The following ABCG2 variants were observed in gnomAD, a reference collection of about 807,000 sequenced individuals.
ABCG2 encodes the protein broad substrate specificity ATP-binding cassette transporter ABCG2.
A neutral mutation model predicts 73.5 loss-of-function variants in ABCG2; 80 were observed. That is an observed-to-expected ratio of 1.09 (90% CI 0.91 to 1.31). The LOEUF (loss-of-function observed/expected upper bound fraction) is 1.31. Ranked by LOEUF, ABCG2 falls within the 50% of genes most tolerant of loss-of-function variation. The pLI, the probability that ABCG2 is intolerant of heterozygous loss-of-function variation, is 0.00. For missense variants in ABCG2, 796 were observed against 786.2 expected (o/e 1.01, Z -0.15); for synonymous variants, 269 against 282.4 (o/e 0.95, Z 0.48).
At chr4:88,107,051 C>T in intron 10 of ABCG2, 133 bp downstream of exon 10, 1 of 666,504 alleles carries the variant, frequency 1.5e-6, no homozygotes, top group Non-Finnish European at 2.5e-6. Flanking sequence ...CAAAAATAAA[C>T]TGACTCATCC....
upstream of ABCG2, among the ~76,000 whole-genome samples, chr4:88,163,006 A>G (rs1727375129): frequency 6.6e-6 from 1 of 152,212 alleles, no homozygotes; most frequent in Admixed American, 6.5e-5. Context: ...CTTACTCCAA[A>G]GGTGAACTCC....
At chr4:88,129,590 A>G (rs45543832) in intron 5 of ABCG2, among the ~76,000 whole-genome samples, 2,083 of 152,314 alleles carry the variant, frequency 0.014, 23 homozygotes, top group Non-Finnish European at 0.022. Flanking sequence ...TAAAGCGGAA[A>G]TAAGTAGTGA....
intron 7 of ABCG2, 81 bp from the exon 8 acceptor site, chr4:88,115,139 G>T: frequency 1.1e-6 from 1 of 920,740 alleles, no homozygotes; most frequent in Non-Finnish European, 1.8e-6. Context: ...GGTGAGGGAG[G>T]TAAGGCTAGA....
At chr4:88,110,827 AT>A (rs1195310567) in intron 9 of ABCG2, among the ~76,000 whole-genome samples, 2 of 79,546 alleles carry the variant, frequency 2.5e-5, no homozygotes, top group Admixed American at 3.3e-4. Flanking sequence ...AAAAAAAAAT[AT>A]ATATTGCCTA....
At chr4:88,108,485 T>C (rs1346096044) in intron 9 of ABCG2, among the ~76,000 whole-genome samples, 1 of 151,976 alleles carries the variant, frequency 6.6e-6, no homozygotes, top group Non-Finnish European at 1.5e-5. Flanking sequence ...CGAGCCAAGA[T>C]CATACCACTG....
intron 9 of ABCG2, 45 bp downstream of exon 9, chr4:88,113,257 AC>A: frequency 6.3e-7 from 1 of 1,590,736 alleles, no homozygotes; most frequent in Non-Finnish European, 8.5e-7. Context: ...TGATAACAGA[AC>A]CACATTGTTC....
chr4:88,121,857 A>T, intron 5 of ABCG2, 65 bp from the exon 6 acceptor site: 4 of 1,506,018 alleles, frequency 2.7e-6, no homozygotes, highest in Admixed American at 1.8e-5. Flanking sequence ...TGAGCTCCTA[A>T]CGTGTGCCAG....
chr4:88,127,387 A>G (rs890875768), intron 5 of ABCG2, among the ~76,000 whole-genome samples: 2 of 152,144 alleles, frequency 1.3e-5, no homozygotes, highest in East Asian at 1.9e-4. Context: ...TCAAGCTACC[A>G]TTGACTTTCT....
At chr4:88,174,363 C>A (rs546610456) in intron 1 of ABCG2, among the ~76,000 whole-genome samples, 2 of 152,244 alleles carry the variant, frequency 1.3e-5, no homozygotes, top group East Asian at 3.9e-4. Context: ...GATGTTCCCT[C>A]CCTGTGTCCA....
chr4:88,145,034 T>C (rs1725892458), intron 1 of ABCG2, among the ~76,000 whole-genome samples: 2 of 151,370 alleles, frequency 1.3e-5, no homozygotes, highest in Non-Finnish European at 2.9e-5. Flanking sequence ...CTGGAACTAC[T>C]GCATTTGTTG....
At chr4:88,118,327 T>G in intron 6 of ABCG2, 67 bp from the exon 7 acceptor site, 1 of 1,526,364 alleles carries the variant, frequency 6.6e-7, no homozygotes, top group Non-Finnish European at 9.0e-7. Flanking sequence ...AGTAAAATAC[T>G]CTATTCTTGC....
intron 1 of ABCG2, among the ~76,000 whole-genome samples, chr4:88,192,625 G>A (rs1728736929): frequency 6.6e-6 from 1 of 151,632 alleles, no homozygotes; most frequent in East Asian, 1.9e-4. Context: ...TACCAGGTTG[G>A]CTAGGCTGGT....
intron 12 of ABCG2, among the ~76,000 whole-genome samples, chr4:88,098,152 T>G (rs1384570811): frequency 6.6e-6 from 1 of 152,210 alleles, no homozygotes; most frequent in Admixed American, 6.5e-5. Context: ...AGTGAGCTAA[T>G]ACTACAGGTA....
chr4:88,168,642 TAA>T (rs557540340), intron 1 of ABCG2, among the ~76,000 whole-genome samples: 19 of 152,322 alleles, frequency 1.2e-4, no homozygotes, highest in African/African-American at 4.3e-4. Flanking sequence ...CTCTGCAGAT[TAA>T]GCTAAAAGGT....
At chr4:88,159,970 C>T (rs1289004801), upstream of ABCG2, among the ~76,000 whole-genome samples, 3 of 152,094 alleles carry the variant, frequency 2.0e-5, no homozygotes, top group African/African-American at 7.2e-5. Context: ...AAGGCCAGCA[C>T]GGTGGCTCAT....
At chr4:88,201,472 AT>A (rs1729161539) in intron 1 of ABCG2, among the ~76,000 whole-genome samples, 1 of 152,356 alleles carries the variant, frequency 6.6e-6, no homozygotes, top group South Asian at 2.1e-4. Flanking sequence ...ACCCAGGATT[AT>A]TTTAAAAATT....
At chr4:88,122,932 G>A (rs952007502) in intron 5 of ABCG2, among the ~76,000 whole-genome samples, 41 of 152,090 alleles carry the variant, frequency 2.7e-4, no homozygotes, top group African/African-American at 7.0e-4. Flanking sequence ...GGCATCTGGC[G>A]GGTGCCCCTC....
In ABCG2 at chr4:88,097,407, A is replaced by G. The variant is rs185208416; in HGVS notation, c.1647+46T>C. Reference sequence around the variant, plus strand: ...CAAGTGAATGTGCAGGAAGAAATGAAGGAAAAAAACAATTCCTTATCAGAG... The same window carrying G: ...CAAGTGAATGTGCAGGAAGAAATGAGGGAAAAAAACAATTCCTTATCAGAG... On this transcript the variant is annotated intron_variant, in intron 13 of 15. Coordinates refer to ENST00000237612, the MANE Select transcript of ABCG2 (RefSeq NM_004827.3). 1.6e-3 allele frequency: 2,599 copies of G among 1,595,896 alleles called. 2 individuals carry two copies. The highest frequency in any genetic ancestry group is 2.0e-3 in the Non-Finnish European group (2,325 of 1,170,862).
chr4:88,128,000 G>C (rs1008258054), intron 5 of ABCG2, among the ~76,000 whole-genome samples: 4 of 147,192 alleles, frequency 2.7e-5, no homozygotes, highest in Admixed American at 1.4e-4. Flanking sequence ...GCAACCTACA[G>C]AATGGGAGAA....
Sources: allele counts gnomAD v4.1 joint callset (sites outside exome capture counted in the v4.1 genomes callset), GRCh38; gene constraint gnomAD v4.1.1; transcripts MANE v1.5; gene names NCBI Gene and HGNC (gene_info 2026-07-23, HGNC 2026-07-21).